The following TMEM132D variants were observed in gnomAD, a reference collection of about 807,000 sequenced individuals.
TMEM132D encodes transmembrane protein 132D.
TMEM132D carries 21 observed loss-of-function variants against 62.3 expected under a neutral mutation model. The ratio of observed to expected loss-of-function variants is 0.34; its 90% CI spans 0.24 to 0.49. The LOEUF is 0.49. TMEM132D is among the 20% of genes least tolerant of loss of function. The pLI, the probability that TMEM132D is intolerant of heterozygous loss-of-function variation, is 0.99. For missense variants in TMEM132D, 1,346 were observed against 1,402.8 expected (o/e 0.96, Z 0.65); for synonymous variants, 621 against 575.6 (o/e 1.08, Z -1.13).
At chr12:129,632,152 A>G (rs1014007565) in intron 2 of TMEM132D, among the ~76,000 whole-genome samples, 18 of 152,298 alleles carry the variant, frequency 1.2e-4, no homozygotes, top group Middle Eastern at 3.4e-3. Flanking sequence ...TGGAAATCAT[A>G]ATTAGGAATA....
In TMEM132D at chr12:129,692,843, G is replaced by C. The variant is rs77983776; in HGVS notation, c.968+6967C>G. ...AGCGGAACAACATTCACTGGGGCCT[G>C]TCGGGGGAGGGCAGTGGGGGGAGAG... On this transcript the variant is annotated intron_variant, in intron 2 of 8. Transcript: ENST00000422113. 7.0e-4 allele frequency among the ~76,000 whole-genome samples: 107 copies of C among 152,110 alleles called. 1 individual carries two copies. The East Asian group carries it at 0.019, about 27-fold the overall frequency.
chr12:129,899,254 CGGATGGAT>C (rs779555845), intron 1 of TMEM132D, among the ~76,000 whole-genome samples: 13 of 131,732 alleles, frequency 9.9e-5, no homozygotes, highest in East Asian at 4.4e-4. Context: ...GATGGATGCA[CGGATGGAT>C]GGATGGATGG....
intron 1 of TMEM132D, among the ~76,000 whole-genome samples, chr12:129,801,139 G>A (rs1190827169): frequency 3.3e-5 from 5 of 152,236 alleles, no homozygotes; most frequent in Non-Finnish European, 5.9e-5. Context: ...GGTTGGGGGA[G>A]GGGCGCCCGC....
intron 3 of TMEM132D, among the ~76,000 whole-genome samples, chr12:129,369,368 C>CTT (rs3996441): frequency 2.0e-4 from 30 of 151,004 alleles, no homozygotes; most frequent in Admixed American, 8.6e-4. Context: ...CCTCATGCTG[C>CTT]TTTTTTTTTT....
intron 1 of TMEM132D, among the ~76,000 whole-genome samples, chr12:129,739,149 A>G (rs1471691167): frequency 6.6e-6 from 1 of 152,164 alleles, no homozygotes; most frequent in Non-Finnish European, 1.5e-5. Flanking sequence ...TAGGCGGTAT[A>G]GTGAGGAGGT....
chr12:129,443,935 T>A (rs1177090796), intron 3 of TMEM132D, among the ~76,000 whole-genome samples: 1 of 152,174 alleles, frequency 6.6e-6, no homozygotes, highest in Non-Finnish European at 1.5e-5. Context: ...TTTGCTTTCT[T>A]AAGAATAAAG....
intron 5 of TMEM132D, among the ~76,000 whole-genome samples, chr12:129,174,794 ATTGTGGTT>A (rs1429576939): frequency 1.3e-5 from 2 of 152,132 alleles, no homozygotes; most frequent in Non-Finnish European, 2.9e-5. Context: ...GATGGTATCC[ATTGTGGTT>A]TTGAATTGCA....
At chr12:129,818,591 GTT>G (rs1356362680) in intron 1 of TMEM132D, among the ~76,000 whole-genome samples, 4 of 150,934 alleles carry the variant, frequency 2.7e-5, no homozygotes, top group Non-Finnish European at 5.9e-5. Context: ...TGTGGAGTGT[GTT>G]TGTGTGTGTG....
chr12:129,132,966 C>G (rs533691662), intron 5 of TMEM132D, among the ~76,000 whole-genome samples: 22 of 152,272 alleles, frequency 1.4e-4, no homozygotes, highest in African/African-American at 4.3e-4. Context: ...TCAGAATGTT[C>G]ATGCAGAGAT....
intron 2 of TMEM132D, among the ~76,000 whole-genome samples, chr12:129,636,268 C>A (rs896257124): frequency 6.6e-6 from 1 of 152,170 alleles, no homozygotes; most frequent in African/African-American, 2.4e-5. Context: ...GACAGATTTG[C>A]AGGGACATTT....
chr12:129,339,443 G>C (rs1869398026), intron 3 of TMEM132D, among the ~76,000 whole-genome samples: 1 of 152,120 alleles, frequency 6.6e-6, no homozygotes, highest in Non-Finnish European at 1.5e-5. Flanking sequence ...GTAATGAAGG[G>C]GAAAAGACGA....
chr12:129,091,277 C>T (rs913525930), intron 5 of TMEM132D, among the ~76,000 whole-genome samples: 1 of 151,336 alleles, frequency 6.6e-6, no homozygotes, highest in African/African-American at 2.4e-5. Context: ...GGGGACCCTT[C>T]CTAAACTCAC....
At chr12:129,747,600 T>C (rs1193123185) in intron 1 of TMEM132D, among the ~76,000 whole-genome samples, 1 of 142,186 alleles carries the variant, frequency 7.0e-6, no homozygotes, top group Non-Finnish European at 1.5e-5. Context: ...ACATGCACAC[T>C]TGACATACAG....
intron 1 of TMEM132D, among the ~76,000 whole-genome samples, chr12:129,871,099 G>T (rs373075817): frequency 1.3e-5 from 2 of 152,132 alleles, no homozygotes; most frequent in East Asian, 3.9e-4. Context: ...GCTGACTGAG[G>T]GGTAGCAGAA....
intron 8 of TMEM132D, among the ~76,000 whole-genome samples, chr12:129,075,278 C>T (rs1874214735): frequency 6.8e-6 from 1 of 147,586 alleles, no homozygotes; most frequent in African/African-American, 2.5e-5. Context: ...AACAAAATGA[C>T]AAAACAGGGC....
intron 1 of TMEM132D, among the ~76,000 whole-genome samples, chr12:129,815,639 C>G (rs1565995664): frequency 6.6e-6 from 1 of 152,188 alleles, no homozygotes; most frequent in Non-Finnish European, 1.5e-5. Flanking sequence ...CTTAATTTTT[C>G]TTTATTACAG....
At chr12:129,398,725 GC>G (rs1323400731) in intron 3 of TMEM132D, among the ~76,000 whole-genome samples, 1 of 152,132 alleles carries the variant, frequency 6.6e-6, no homozygotes, top group African/African-American at 2.4e-5. Flanking sequence ...TAGCCACCAA[GC>G]AATTCATTCC....
intron 2 of TMEM132D, among the ~76,000 whole-genome samples, chr12:129,556,473 T>A (rs1294171164): frequency 6.6e-6 from 1 of 151,502 alleles, no homozygotes; most frequent in Non-Finnish European, 1.5e-5. Flanking sequence ...GAGCTTTTTT[T>A]TTTCCCCCAG....
At chr12:129,698,370 T>C (rs985281009) in intron 2 of TMEM132D, 2 of 151,476 alleles carry the variant, frequency 1.3e-5, no homozygotes, top group African/African-American at 2.4e-5. Context: ...GTTCAGTCAT[T>C]AGATGCATGT....
Sources: gnomAD v4.1 joint callset for allele counts (sites outside exome capture counted in the v4.1 genomes callset) on GRCh38, gnomAD v4.1.1 for gene constraint, MANE v1.5 for transcripts, NCBI Gene and HGNC (gene_info 2026-07-23, HGNC 2026-07-21) for gene names.